Variants in KCNH8 observed in about 807,000 individuals in gnomAD.
KCNH8 encodes the protein voltage-gated delayed rectifier potassium channel KCNH8.
KCNH8 carries 70 observed loss-of-function variants against 103.6 expected under a neutral mutation model. The ratio of observed to expected loss-of-function variants is 0.68; its 90% CI spans 0.56 to 0.82. KCNH8 has a LOEUF of 0.82. Ranked by LOEUF, KCNH8 falls within the 40% of genes least tolerant of loss-of-function variation. The pLI, the probability that KCNH8 is intolerant of heterozygous loss-of-function variation, is 0.00. For synonymous variants in KCNH8, 498 were observed against 489.4 expected (o/e 1.02, Z -0.23); for missense variants, 1,217 against 1,329.9 (o/e 0.92, Z 1.32).
At chr3:19,220,854 G>A (rs556649523) in intron 1 of KCNH8, among the ~76,000 whole-genome samples, 1 of 152,112 alleles carries the variant, frequency 6.6e-6, no homozygotes, top group South Asian at 2.1e-4. Flanking sequence ...TAGTGTAGAG[G>A]TAGTTCCTTT....
At chr3:19,425,524 G>A (rs80117691) in intron 7 of KCNH8, among the ~76,000 whole-genome samples, 1 of 152,126 alleles carries the variant, frequency 6.6e-6, no homozygotes, top group South Asian at 2.1e-4. Context: ...TTAAGGGCTA[G>A]AGACTGTCGG....
intron 1 of KCNH8, among the ~76,000 whole-genome samples, chr3:19,233,071 C>CG (rs1491329471): frequency 1.9e-5 from 2 of 106,712 alleles, no homozygotes; most frequent in East Asian, 3.1e-4. Flanking sequence ...TCCCCCCCCC[C>CG]ACCCCACTAC....
intron 11 of KCNH8, among the ~76,000 whole-genome samples, chr3:19,509,764 T>C (rs891423139): frequency 9.9e-5 from 15 of 152,142 alleles, no homozygotes; most frequent in African/African-American, 3.1e-4. Context: ...GGATTCCCAG[T>C]AAACTGAAAC....
intron 7 of KCNH8, among the ~76,000 whole-genome samples, chr3:19,404,606 A>G (rs550678687): frequency 6.6e-6 from 1 of 152,036 alleles, no homozygotes; most frequent in South Asian, 2.1e-4. Flanking sequence ...CTATATTTAA[A>G]TGAGTTCAGT....
At chr3:19,352,710 A>C (rs1181611715) in intron 5 of KCNH8, among the ~76,000 whole-genome samples, 2 of 152,200 alleles carry the variant, frequency 1.3e-5, no homozygotes, top group East Asian at 3.9e-4. Context: ...AACATACCAG[A>C]ATCTCTGGGA....
Position 19,513,086 on chromosome 3 carries a change from A to C in KCNH8, c.2196A>C (p.Thr732=). The change falls in exon 13 of 16, where the codon ACA becomes ACC. Residue 732 remains threonine, a synonymous_variant. Transcript: ENST00000328405. ...CAGTCTCCCTCTCTCCCATCTGCAC[A>C]AGGGGATCTTCTTCGCGCAACAAGA... is the stretch of plus-strand genomic sequence containing the variant. The part of the protein sequence containing the change: ...EEAVSLSPIC[T]RGSSSRNKKV... 1 of 1,613,870 alleles carries C rather than the reference A, an allele frequency of 6.2e-7. No homozygotes were observed. The highest frequency in any genetic ancestry group is 1.6e-4 in the Middle Eastern group (1 of 6,062).
intron 1 of KCNH8, among the ~76,000 whole-genome samples, chr3:19,250,279 G>A (rs2064259807): frequency 6.6e-6 from 1 of 151,826 alleles, no homozygotes; most frequent in Non-Finnish European, 1.5e-5. Context: ...AAGACAAAAT[G>A]ACAAAACATA....
chr3:19,527,606 A>G (rs2069087541), intron 15 of KCNH8, among the ~76,000 whole-genome samples: 1 of 152,110 alleles, frequency 6.6e-6, no homozygotes, highest in African/African-American at 2.4e-5. Context: ...GTAGGGCAAC[A>G]ATAACTATTT....
At chr3:19,419,598 TTTG>T (rs768505699) in intron 7 of KCNH8, among the ~76,000 whole-genome samples, 48 of 152,174 alleles carry the variant, frequency 3.2e-4, no homozygotes, top group Non-Finnish European at 5.0e-4. Context: ...CTTTGGATTT[TTTG>T]TTATTTTTTC....
At chr3:19,261,382 T>C (rs1232674604) in intron 2 of KCNH8, among the ~76,000 whole-genome samples, 1 of 151,914 alleles carries the variant, frequency 6.6e-6, no homozygotes, top group African/African-American at 2.4e-5. Flanking sequence ...TGTCTATTGG[T>C]CATTTTTATG....
intron 11 of KCNH8, among the ~76,000 whole-genome samples, chr3:19,476,534 C>A (rs2067980492): frequency 6.6e-6 from 1 of 152,034 alleles, no homozygotes; most frequent in Non-Finnish European, 1.5e-5. Context: ...AGCCATTGTA[C>A]CCTAATCAGA....
chr3:19,338,400 C>CACCACCAAT (rs1559482509), intron 3 of KCNH8, among the ~76,000 whole-genome samples: 1 of 152,018 alleles, frequency 6.6e-6, no homozygotes, highest in Non-Finnish European at 1.5e-5. Context: ...TCCCTACCAC[C>CACCACCAAT]ACCACCACTA....
chr3:19,303,203 G>A (rs925778819), intron 3 of KCNH8, among the ~76,000 whole-genome samples: 1 of 152,172 alleles, frequency 6.6e-6, no homozygotes, highest in African/African-American at 2.4e-5. Context: ...AAAAATGTCA[G>A]AAGTTTTAAT....
chr3:19,327,062 A>G (rs2065433927), intron 3 of KCNH8, among the ~76,000 whole-genome samples: 1 of 152,014 alleles, frequency 6.6e-6, no homozygotes, highest in Non-Finnish European at 1.5e-5. Flanking sequence ...CTTCTTATTC[A>G]TTAGTTGAGC....
chr3:19,450,600 A>C (rs2067432501), intron 9 of KCNH8: 1 of 395,046 alleles, frequency 2.5e-6, no homozygotes, highest in South Asian at 2.3e-5. Context: ...CGATAATTTA[A>C]CAGTGTAATC....
Position 19,460,259 on chromosome 3 carries a change from G to GT in KCNH8, c.2040+3278dup, listed in dbSNP as rs150477102. The stretch of plus-strand genomic sequence containing the variant: ...TTCTGGAGTCTCAGCTCAAACCATA[G>GT]TATGTTTACCAAGGCTCTTCCTATT... On this transcript the variant is annotated intron_variant, in intron 11 of 15. Coordinates refer to ENST00000328405, the MANE Select transcript of KCNH8 (RefSeq NM_144633.3). Among the ~76,000 whole-genome samples, 833 of 152,138 alleles carry GT rather than the reference G, an allele frequency of 5.5e-3. 10 individuals carry two copies. The highest frequency in any genetic ancestry group is 0.019 in the African/African-American group (778 of 41,524).
intron 11 of KCNH8, among the ~76,000 whole-genome samples, chr3:19,474,365 GTTTGATCAGA>G (rs2067926998): frequency 6.6e-6 from 1 of 152,162 alleles, no homozygotes; most frequent in Non-Finnish European, 1.5e-5. Context: ...GAGGCCTCCA[GTTTGATCAGA>G]TTCAAGGCAT....
intron 1 of KCNH8, among the ~76,000 whole-genome samples, chr3:19,235,527 G>A (rs1331289039): frequency 1.3e-5 from 2 of 152,062 alleles, no homozygotes. Context: ...AAACAAATAC[G>A]GAAATATGGT....
At chr3:19,270,657 T>C (rs2064575374) in intron 2 of KCNH8, among the ~76,000 whole-genome samples, 3 of 152,140 alleles carry the variant, frequency 2.0e-5, no homozygotes, top group Non-Finnish European at 4.4e-5. Flanking sequence ...TTGCCTCACA[T>C]GTCTGCCAAG....
Sources: gnomAD v4.1 joint callset for allele counts (sites outside exome capture counted in the v4.1 genomes callset) on GRCh38, gnomAD v4.1.1 for gene constraint, MANE v1.5 for transcripts, NCBI Gene and HGNC (gene_info 2026-07-23, HGNC 2026-07-21) for gene names.